The following TLX3 variants were observed in gnomAD, a reference collection of about 807,000 sequenced individuals.
TLX3 encodes the protein T cell leukemia homeobox 3.
TLX3 carries 11 observed loss-of-function variants against 19.6 expected under a neutral mutation model. The ratio of observed to expected loss-of-function variants is 0.56; its 90% CI spans 0.35 to 0.93. TLX3 has a LOEUF of 0.93. TLX3 is among the 40% of genes least tolerant of loss of function. The pLI, the probability that TLX3 is intolerant of heterozygous loss-of-function variation, is 0.01. For missense variants in TLX3, 375 were observed against 418.6 expected (o/e 0.90, Z 0.91); for synonymous variants, 221 against 188.1 (o/e 1.17, Z -1.43).
In TLX3 at chr5:171,309,331, CGCCCA is replaced by C. The variant is rs750026711; in HGVS notation, c.-20_-16del. On this transcript the variant is annotated 5_prime_UTR_variant, in exon 1 of 3. Transcript: ENST00000296921. ...CGTAACGGGGACCCAGCCGCCTCCCCGCCCAGCCCAGCCCAGCCCTTCCGCCCGCC... is the reference window on the plus strand; with the variant it reads ...CGTAACGGGGACCCAGCCGCCTCCCCGCCCAGCCCAGCCCTTCCGCCCGCC... 9.8e-6 allele frequency: 10 copies of C among 1,022,078 alleles called. No homozygotes were observed. The highest frequency in any genetic ancestry group is 5.1e-5 in the African/African-American group (3 of 58,998). The allele number at this position is 1,022,078 out of a possible 1,614,324, so 63.3% of individuals were successfully genotyped here. A position where few individuals can be genotyped will look rare whatever the true frequency, so the allele number is the denominator to read the frequency against.
chr5:171,310,125 CA>C, intron 1 of TLX3, 24 bp from the exon 2 acceptor site: 1 of 1,545,376 alleles, frequency 6.5e-7, no homozygotes, highest in Non-Finnish European at 8.7e-7. Context: ...GGCTGGGCTT[CA>C]GGGGCCCTCC....
chr5:171,310,503 C>T, intron 2 of TLX3, 110 bp downstream of exon 2: 2 of 1,348,308 alleles, frequency 1.5e-6, no homozygotes, highest in Non-Finnish European at 9.9e-7. Context: ...CCCCGCCCCC[C>T]TCTGCCTCCC....
Position 171,309,683 on chromosome 5 carries a change from C to T in TLX3, c.318C>T (p.Ser106=). 6.2e-7 allele frequency: 1 copy of T among 1,609,614 alleles called. No individual in the cohort carries two copies. Among genetic ancestry groups the T allele is most frequent in the Non-Finnish European group, 8.5e-7 (1 of 1,178,798 alleles). Residue 106 remains serine, a synonymous_variant, in exon 1 of 3, where the codon AGC becomes AGT. Transcript: ENST00000296921. ...GGGCCGTGCCACCGCCTCTGCCAAG[C>T]GCGCTACCCGCCATGCCCTCCGTGC... ...LPGAVPPPLP[S]ALPAMPSVPT...
Position 171,309,314 on chromosome 5 carries a change from G to T in TLX3, c.-52G>T. ...GCGCTCCATGGCCGCGCCGTAACGG[G>T]GACCCAGCCGCCTCCCCGCCCAGCC... On this transcript the variant is annotated 5_prime_UTR_variant, in exon 1 of 3. Coordinates refer to ENST00000296921, the MANE Select transcript of TLX3 (RefSeq NM_021025.4). 7.0e-7 allele frequency: 1 copy of T among 1,431,158 alleles called. No homozygotes were observed. 88.7% of individuals were successfully genotyped at this position (1,431,158 alleles called of 1,614,324 possible).
At position 171,311,437 on chromosome 5, in the gene TLX3, G is replaced by T. The variant is rs916425160; in HGVS notation, c.714G>T (p.Arg238=). 5.1e-6 allele frequency: 8 copies of T among 1,579,440 alleles called. No individual in the cohort carries two copies. The highest frequency in any genetic ancestry group is 6.9e-6 in the Non-Finnish European group (8 of 1,163,720). The change falls in exon 3 of 3, where the codon CGG becomes CGT. Residue 238 remains arginine, a synonymous_variant. Coordinates refer to ENST00000296921, the MANE Select transcript of TLX3 (RefSeq NM_021025.4). The surrounding 1 kb of genome is among the most constrained non-coding windows in gnomAD (Gnocchi z 5.1). ...EREAERQQAS[R]LMLQLQHDAF... ...AGGCGGAGCGGCAGCAGGCGAGCCG[G>T]CTCATGCTGCAGCTGCAACACGACG...
chr5:171,309,630 C>T lies in TLX3; in HGVS notation c.265C>T (p.Arg89Trp). ...NLSLAPAGVI[R>W]VPAHRPLPGA... is the part of the protein sequence containing the mutation. ...GAGCCTAGCGCCCGCAGGCGTGATC[C>T]GGGTGCCGGCGCACAGGCCGCTGCC... The change falls in exon 1 of 3, where the codon CGG becomes TGG. Residue 89 changes from arginine (R) to tryptophan (W), a missense_variant. By Grantham distance (101) the Arg-to-Trp change is moderately radical. This residue lies in a region of TLX3 where 239 missense variants were observed against 217.0 expected (regional missense o/e 1.10). Coordinates refer to ENST00000296921, the MANE Select transcript of TLX3 (RefSeq NM_021025.4). 4 of 1,607,762 alleles carry T rather than the reference C, an allele frequency of 2.5e-6. No individual in the cohort carries two copies. The highest frequency in any genetic ancestry group is 3.4e-6 in the Non-Finnish European group (4 of 1,177,944).
rs1282306986 is a variant in TLX3 at position 171,311,371 on chromosome 5, C to T, written c.666-18C>T. Reference sequence around the variant, plus strand: ...CCGGGTGCATGACGGTACTGTCCCTCTCCCTCCCCCGGTGCAGGCGGCAGA... The same window carrying T: ...CCGGGTGCATGACGGTACTGTCCCTTTCCCTCCCCCGGTGCAGGCGGCAGA... On this transcript the variant is annotated intron_variant, in intron 2 of 2. Transcript: ENST00000296921. The surrounding 1 kb of genome is among the most constrained non-coding windows in gnomAD (Gnocchi z 5.1). 6.5e-7 allele frequency: 1 copy of T among 1,547,984 alleles called. No individual in the cohort carries two copies. Among genetic ancestry groups the T allele is most frequent in the African/African-American group, 1.4e-5 (1 of 72,886 alleles).
At chr5:171,310,463 C>A in intron 2 of TLX3, 70 bp downstream of exon 2, 1 of 1,571,108 alleles carries the variant, frequency 6.4e-7, no homozygotes, top group South Asian at 1.2e-5. Context: ...CGCAGCCTCG[C>A]ACTAGCCCTA....
rs1464945279 is a variant in TLX3, at chr5:171,309,556, C to A, written c.191C>A (p.Ala64Glu). 1.3e-6 allele frequency: 2 copies of A among 1,579,658 alleles called. No homozygotes were observed. The highest frequency in any genetic ancestry group is 1.1e-5 in the South Asian group (1 of 87,442). The change falls in exon 1 of 3, where the codon GCG (alanine) becomes GAG (glutamate). Residue 64 changes from alanine to glutamate, a missense_variant. By Grantham distance (107) the Ala-to-Glu change is moderately radical (BLOSUM62 -1). Transcript: ENST00000296921. ...TACCCGTCTCTGCCCGCCTCCTTTGCGGGCCTCGGCGCGCCCTTCGAGGAC... is the reference window on the plus strand; with the variant it reads ...TACCCGTCTCTGCCCGCCTCCTTTGAGGGCCTCGGCGCGCCCTTCGAGGAC... ...ATYPSLPASF[A>E]GLGAPFEDAG... is the part of the protein sequence containing the mutation.
In TLX3 at chr5:171,311,805, CCCCGCGCCCCGT is replaced by C; in HGVS notation, c.*212_*223del. 2 of 384,438 alleles carry C rather than the reference CCCCGCGCCCCGT, an allele frequency of 5.2e-6. No individual in the cohort carries two copies. Among genetic ancestry groups the C allele is most frequent in the Non-Finnish European group, 9.1e-6 (2 of 219,206 alleles). The allele number at this position is 384,438 out of a possible 1,614,324, so 23.8% of individuals were successfully genotyped here. On this transcript the variant is annotated 3_prime_UTR_variant, in exon 3 of 3. Coordinates refer to ENST00000296921, the MANE Select transcript of TLX3 (RefSeq NM_021025.4). This position sits in a 1 kb window ranked among gnomAD's most constrained non-coding sequence, Gnocchi z 5.1. ...CGCGGCCGCACAATCCGAGCCCCCG[CCCCGCGCCCCGT>C]CCCGCCCCAGGCCCGGGCCTGACAA... is the stretch of plus-strand genomic sequence containing the variant.
At position 171,311,361 on chromosome 5, in the gene TLX3, T is replaced by C; in HGVS notation, c.666-28T>C. 1.3e-6 allele frequency: 2 copies of C among 1,541,930 alleles called. No individual in the cohort carries two copies. Among genetic ancestry groups the C allele is most frequent in the Non-Finnish European group, 1.8e-6 (2 of 1,142,306 alleles). Reference sequence around the variant, plus strand: ...CCCCGCGGTGCCGGGTGCATGACGGTACTGTCCCTCTCCCTCCCCCGGTGC... The same window carrying C: ...CCCCGCGGTGCCGGGTGCATGACGGCACTGTCCCTCTCCCTCCCCCGGTGC... On this transcript the variant is annotated intron_variant, in intron 2 of 2. Transcript: ENST00000296921. This position sits in a 1 kb window ranked among gnomAD's most constrained non-coding sequence, Gnocchi z 5.1.
At position 171,311,625 on chromosome 5, in the gene TLX3, G is replaced by T; in HGVS notation, c.*26G>T. 1 of 1,567,236 alleles carries T rather than the reference G, an allele frequency of 6.4e-7. No homozygotes were observed. Among genetic ancestry groups the T allele is most frequent in the Non-Finnish European group, 8.7e-7 (1 of 1,151,088 alleles). ...GCCCACCAGCGCGCACCGTCGCCAC[G>T]GATCGCCGCCCCCACCCAGCCGGGC... On this transcript the variant is annotated 3_prime_UTR_variant, in exon 3 of 3. Transcript: ENST00000296921. The surrounding 1 kb of genome is among the most constrained non-coding windows in gnomAD (Gnocchi z 5.1).
Position 171,311,548 on chromosome 5 carries a change from G to A in TLX3, c.825G>A (p.Gln275=). The A allele has an allele frequency of 2.5e-6, 4 of 1,613,206 alleles. No homozygotes were observed. The highest frequency in any genetic ancestry group is 3.4e-6 in the Non-Finnish European group (4 of 1,179,666). The change falls in exon 3 of 3, where the codon CAG becomes CAA. Residue 275 remains glutamine, a synonymous_variant. Transcript: ENST00000296921. This position sits in a 1 kb window ranked among gnomAD's most constrained non-coding sequence, Gnocchi z 5.1. ...CACTCTTTGCTCTGCAGAATCTGCA[G>A]CCCTGGGAGGAGGATAGTTCCAAGG... is the stretch of plus-strand genomic sequence containing the variant. ...NSSLFALQNL[Q]PWEEDSSKVP...
At chr5:171,310,603 C>T (rs1581210873) in intron 2 of TLX3, among the ~76,000 whole-genome samples, 2 of 150,696 alleles carry the variant, frequency 1.3e-5, no homozygotes, top group East Asian at 3.9e-4. Context: ...TCGTGGTCTC[C>T]CACGCCTTGG....
rs1174294446 is a variant in TLX3 at position 171,311,511 on chromosome 5, T to C, written c.788T>C (p.Leu263Pro). The change falls in exon 3 of 3, where the codon CTG becomes CCG. Residue 263 changes from leucine (L) to proline (P), a missense_variant. Leu to Pro is a moderately conservative substitution (Grantham distance 98). Coordinates refer to ENST00000296921, the MANE Select transcript of TLX3 (RefSeq NM_021025.4). This position sits in a 1 kb window ranked among gnomAD's most constrained non-coding sequence, Gnocchi z 5.1. ...TCCATCCAGCCTGACCCGCTCTGTC[T>C]GCACAACTCGTCACTCTTTGCTCTG... ...NDSIQPDPLCLHNSSLFALQN... is the reference protein window; with the variant it reads ...NDSIQPDPLCPHNSSLFALQN... The C allele has an allele frequency of 1.2e-6, 2 of 1,613,366 alleles. No individual in the cohort carries two copies. The highest frequency in any genetic ancestry group is 8.5e-7 in the Non-Finnish European group (1 of 1,179,750).
Position 171,309,558 on chromosome 5 carries a change from GGCCTCGGCGCGCCCTTCGA to G in TLX3, c.195_213del (p.Leu66ThrfsTer7). ...CCCGTCTCTGCCCGCCTCCTTTGCG[GGCCTCGGCGCGCCCTTCGA>G]GGACGCGGGATCTTACAGTGTGAAC... is the stretch of plus-strand genomic sequence containing the variant. On this transcript the variant is annotated frameshift_variant, in exon 1 of 3. Coordinates refer to ENST00000296921, the MANE Select transcript of TLX3 (RefSeq NM_021025.4). LOFTEE classifies it high-confidence loss of function. 1 of 1,581,866 alleles carries G rather than the reference GGCCTCGGCGCGCCCTTCGA, an allele frequency of 6.3e-7. No homozygotes were observed. Among genetic ancestry groups the G allele is most frequent in the Non-Finnish European group, 8.6e-7 (1 of 1,165,364 alleles).
rs1769172549 is a variant in TLX3 at position 171,309,250 on chromosome 5, G to A, written c.-116G>A. The A allele has an allele frequency of 1.2e-6, 1 of 835,106 alleles. No homozygotes were observed. Among genetic ancestry groups the A allele is most frequent in the Non-Finnish European group, 1.8e-6 (1 of 570,548 alleles). The allele number at this position is 835,106 out of a possible 1,614,324, so 51.7% of individuals were successfully genotyped here. On this transcript the variant is annotated 5_prime_UTR_variant, in exon 1 of 3. Transcript: ENST00000296921. ...ATGACACAGAGCCTGTCGGGCCCGC[G>A]CACTCTTGGCAAAGTTTCAGTGCGA...
chr5:171,309,836 G>C, intron 1 of TLX3, 50 bp downstream of exon 1: 1 of 1,501,042 alleles, frequency 6.7e-7, no homozygotes, highest in Non-Finnish European at 8.8e-7. Flanking sequence ...CTCGGGGCCA[G>C]AGGCGCCGCG....
chr5:171,309,575 C>T lies in TLX3; in HGVS notation c.210C>T (p.Phe70=), dbSNP rs1358866484. 3.1e-6 allele frequency: 5 copies of T among 1,594,814 alleles called. No individual in the cohort carries two copies. The South Asian group carries it at 3.4e-5, about 11-fold the overall frequency. The change falls in exon 1 of 3, where the codon TTC becomes TTT. Residue 70 remains phenylalanine (F), a synonymous_variant. Transcript: ENST00000296921. ...PASFAGLGAP[F]EDAGSYSVNL... ...CCTTTGCGGGCCTCGGCGCGCCCTTCGAGGACGCGGGATCTTACAGTGTGA... is the reference window on the plus strand; with the variant it reads ...CCTTTGCGGGCCTCGGCGCGCCCTTTGAGGACGCGGGATCTTACAGTGTGA...
Sources: gnomAD v4.1 joint callset for allele counts (sites outside exome capture counted in the v4.1 genomes callset) on GRCh38, gnomAD v4.1.1 for gene constraint, gnomAD v4.1.1 regional missense constraint, Gnocchi (gnomAD v3.1) non-coding constraint, MANE v1.5 for transcripts, NCBI Gene and HGNC (gene_info 2026-07-23, HGNC 2026-07-21) for gene names.